The following RBMS3 variants were observed in gnomAD, a reference collection of about 807,000 sequenced individuals.
RBMS3 encodes RNA binding motif single stranded interacting protein 3, also known as RNA-binding motif, single-stranded-interacting protein 3.
A neutral mutation model predicts 66.8 loss-of-function variants in RBMS3; 27 were observed. The observed-to-expected ratio is 0.40, with a 90% confidence interval of 0.30 to 0.56. RBMS3 has a LOEUF of 0.56. RBMS3 is among the 20% of genes least tolerant of loss of function. The pLI is 0.40. For synonymous variants in RBMS3, 188 were observed against 183.0 expected (o/e 1.03, Z -0.22); for missense variants, 513 against 549.5 (o/e 0.93, Z 0.66).
At chr3:29,557,093 C>T (rs558398692) in intron 3 of RBMS3, among the ~76,000 whole-genome samples, 5 of 152,274 alleles carry the variant, frequency 3.3e-5, no homozygotes, top group African/African-American at 1.2e-4. Context: ...TAATAAATAG[C>T]TTTAATATAA....
chr3:29,379,559 C>T (rs1337161962), intron 1 of RBMS3, among the ~76,000 whole-genome samples: 1 of 152,152 alleles, frequency 6.6e-6, no homozygotes, highest in Non-Finnish European at 1.5e-5. Flanking sequence ...CAGGGAAACT[C>T]CTCTTTTTAA....
intron 3 of RBMS3, among the ~76,000 whole-genome samples, chr3:29,527,649 T>G (rs545783556): frequency 1.3e-5 from 2 of 152,336 alleles, no homozygotes; most frequent in South Asian, 4.1e-4. Flanking sequence ...AAATATCAAT[T>G]GATAACACCA....
chr3:29,331,156 T>C (rs915307380), intron 1 of RBMS3, among the ~76,000 whole-genome samples: 1 of 152,142 alleles, frequency 6.6e-6, no homozygotes, highest in Non-Finnish European at 1.5e-5. Context: ...GTCTGTGCGC[T>C]GCCTGGTGTT....
At chr3:29,475,793 G>A (rs1450140090) in intron 2 of RBMS3, among the ~76,000 whole-genome samples, 1 of 152,156 alleles carries the variant, frequency 6.6e-6, no homozygotes, top group Non-Finnish European at 1.5e-5. Context: ...TGGATTGTGA[G>A]AGTACAGAAA....
At chr3:29,889,393 A>C (rs912632873) in intron 8 of RBMS3, among the ~76,000 whole-genome samples, 2 of 151,720 alleles carry the variant, frequency 1.3e-5, no homozygotes, top group African/African-American at 4.8e-5. Context: ...TATTAGTCAT[A>C]AGAAAAACAG....
chr3:29,775,810 T>C (rs2056408775), intron 6 of RBMS3, among the ~76,000 whole-genome samples: 1 of 151,994 alleles, frequency 6.6e-6, no homozygotes, highest in African/African-American at 2.4e-5. Context: ...AATTGAACAC[T>C]GTATATTATT....
chr3:29,723,558 T>C (rs1472453789), intron 4 of RBMS3, among the ~76,000 whole-genome samples: 1 of 149,258 alleles, frequency 6.7e-6, no homozygotes, highest in African/African-American at 2.5e-5. Context: ...TGATCATTTA[T>C]GCACTAGTTG....
chr3:29,731,043 C>G, intron 4 of RBMS3: 2 of 984,836 alleles, frequency 2.0e-6, no homozygotes, highest in South Asian at 9.4e-5. Context: ...GGCTGGAGAT[C>G]CTCATGGAAT....
At chr3:29,524,415 A>ATTTTTTTTTTTTTTTTT (rs1222102515) in intron 3 of RBMS3, among the ~76,000 whole-genome samples, 12 of 57,110 alleles carry the variant, frequency 2.1e-4, no homozygotes, top group East Asian at 6.3e-4. Context: ...CTCCCTTTAC[A>ATTTTTTTTTTTTTTTTT]TTTTTTTTTT....
intron 6 of RBMS3, among the ~76,000 whole-genome samples, chr3:29,838,100 G>A (rs2058571024): frequency 6.6e-6 from 1 of 150,530 alleles, no homozygotes; most frequent in Non-Finnish European, 1.5e-5. Flanking sequence ...GGCCAAAATG[G>A]GAGGATCACT....
intron 12 of RBMS3, among the ~76,000 whole-genome samples, chr3:29,974,658 T>C (rs1697439409): frequency 6.6e-6 from 1 of 151,430 alleles, no homozygotes; most frequent in African/African-American, 2.4e-5. Flanking sequence ...TTTGTCTTAT[T>C]TTTAAGCTTT....
intron 6 of RBMS3, among the ~76,000 whole-genome samples, chr3:29,837,674 A>G (rs1559724027): frequency 1.7e-5 from 1 of 57,632 alleles, no homozygotes; most frequent in Non-Finnish European, 3.8e-5. Flanking sequence ...ATATATATAT[A>G]TATATATATA....
chr3:29,708,500 T>C (rs138316293), intron 4 of RBMS3, among the ~76,000 whole-genome samples: 1 of 152,346 alleles, frequency 6.6e-6, no homozygotes, highest in African/African-American at 2.4e-5. Context: ...GAATTAGATC[T>C]TGTAAGAAAC....
intron 1 of RBMS3, among the ~76,000 whole-genome samples, chr3:29,379,377 A>C (rs1316178748): frequency 1.3e-5 from 2 of 152,196 alleles, no homozygotes; most frequent in African/African-American, 4.8e-5. Flanking sequence ...TTTATTTTAG[A>C]TTAATAGAGA....
At chr3:29,778,162 A>T (rs2056490485) in intron 6 of RBMS3, among the ~76,000 whole-genome samples, 1 of 151,950 alleles carries the variant, frequency 6.6e-6, no homozygotes, top group Admixed American at 6.6e-5. Context: ...TGGATCCAAC[A>T]GAATTATTTT....
At chr3:29,852,056 T>G (rs990793315) in intron 6 of RBMS3, among the ~76,000 whole-genome samples, 3 of 152,128 alleles carry the variant, frequency 2.0e-5, no homozygotes, top group African/African-American at 7.2e-5. Context: ...TCAACAAAGC[T>G]GACAAAAACA....
intron 4 of RBMS3, among the ~76,000 whole-genome samples, chr3:29,695,581 A>T (rs2052233258): frequency 6.6e-6 from 1 of 151,890 alleles, no homozygotes; most frequent in African/African-American, 2.4e-5. Context: ...TTTTTCTTCC[A>T]AGTGCAAAAT....
chr3:29,325,514 A>ATATGTG (rs143767201), intron 1 of RBMS3, among the ~76,000 whole-genome samples: 30 of 149,704 alleles, frequency 2.0e-4, no homozygotes, highest in Admixed American at 1.6e-3. Context: ...ATATATATAT[A>ATATGTG]TGTGTGTGTG....
chr3:29,455,305 AT>A (rs2042149472), intron 2 of RBMS3, among the ~76,000 whole-genome samples: 6 of 152,148 alleles, frequency 3.9e-5, no homozygotes, highest in African/African-American at 1.2e-4. Flanking sequence ...ATACATTATG[AT>A]TTTAGGGAAA....
Sources: gnomAD v4.1 joint callset for allele counts (sites outside exome capture counted in the v4.1 genomes callset) on GRCh38, gnomAD v4.1.1 for gene constraint, MANE v1.5 for transcripts, NCBI Gene and HGNC (gene_info 2026-07-23, HGNC 2026-07-21) for gene names.